The following TRABD2A variants were observed in gnomAD, a reference collection of about 807,000 sequenced individuals.
TRABD2A encodes metalloprotease TIKI1.
TRABD2A carries 43 observed loss-of-function variants against 45.6 expected under a neutral mutation model. The ratio of observed to expected loss-of-function variants is 0.94; its 90% CI spans 0.74 to 1.22. The LOEUF (loss-of-function observed/expected upper bound fraction) is 1.22, where lower values mean the gene tolerates loss of function less well. Among genes scored for constraint, TRABD2A ranks in the 50% most tolerant of loss-of-function variants. The probability of loss-of-function intolerance (pLI) is 0.00; values close to 1 mark genes in which losing one functional copy is unlikely to be tolerated. For synonymous variants in TRABD2A, 269 were observed against 265.0 expected (o/e 1.02, Z -0.15); for missense variants, 642 against 652.4 (o/e 0.98, Z 0.17).
intron 3 of TRABD2A, 56 bp downstream of exon 3, chr2:84,841,805 T>C: frequency 6.9e-7 from 1 of 1,440,274 alleles, no homozygotes; most frequent in Non-Finnish European, 9.1e-7. Context: ...CCAGGTAATG[T>C]TTTTATTCCT....
At chr2:84,864,410 A>G (rs1438855161) in intron 2 of TRABD2A, among the ~76,000 whole-genome samples, 1 of 152,158 alleles carries the variant, frequency 6.6e-6, no homozygotes, top group Non-Finnish European at 1.5e-5. Context: ...CAGTCCTCTC[A>G]ATAAACCCTG....
rs544863306 is a variant in TRABD2A, at chr2:84,851,290, A to C, written c.670-9283T>G. 5.9e-5 allele frequency: 9 copies of C among 152,346 alleles called. No individual in the cohort carries two copies. In the East Asian group the frequency reaches 1.5e-3, roughly 26 times the overall value. 9.4% of individuals were successfully genotyped at this position (152,346 alleles called of 1,614,324 possible). ...CAAGGAGATGGGCTCAGGGTCATACACAGCTGTTGTTCTCTGAGGCTTACC... is the reference window on the plus strand; with the variant it reads ...CAAGGAGATGGGCTCAGGGTCATACCCAGCTGTTGTTCTCTGAGGCTTACC... On this transcript the variant is annotated intron_variant, in intron 2 of 6. Coordinates refer to ENST00000409520, the MANE Select transcript of TRABD2A (RefSeq NM_001277053.2).
intron 5 of TRABD2A, among the ~76,000 whole-genome samples, chr2:84,826,660 T>A (rs1318631559): frequency 6.6e-6 from 1 of 152,196 alleles, no homozygotes; most frequent in Admixed American, 6.5e-5. Context: ...GCCTCCCAAA[T>A]AGCTGGGATT....
At chr2:84,852,941 C>G (rs1371909704) in intron 2 of TRABD2A, among the ~76,000 whole-genome samples, 1 of 152,118 alleles carries the variant, frequency 6.6e-6, no homozygotes, top group African/African-American at 2.4e-5. Context: ...AAATCATCTC[C>G]TTAACCAGCT....
chr2:84,861,707 T>A (rs1450590682), intron 2 of TRABD2A, among the ~76,000 whole-genome samples: 4 of 152,130 alleles, frequency 2.6e-5, no homozygotes, highest in Non-Finnish European at 5.9e-5. Flanking sequence ...GCACAGAGCA[T>A]CCCAGAGCTG....
intron 2 of TRABD2A, among the ~76,000 whole-genome samples, chr2:84,867,412 T>TA (rs2105405735): frequency 6.6e-6 from 1 of 152,268 alleles, no homozygotes; most frequent in Non-Finnish European, 1.5e-5. Context: ...ATCCCTTACT[T>TA]ACACCTTATA....
intron 5 of TRABD2A, among the ~76,000 whole-genome samples, chr2:84,827,480 T>TCCC (rs1251558823): frequency 6.6e-6 from 1 of 152,160 alleles, no homozygotes; most frequent in Non-Finnish European, 1.5e-5. Flanking sequence ...TTCAAGTGCA[T>TCCC]CCCCCTTTCT....
chr2:84,873,704 T>C lies in TRABD2A; in HGVS notation c.109-2919A>G, dbSNP rs1573957431. ...CTAATCAAAAGTTGAGATTGACAGTTATGTCTTTGGTTAATTGTAAACAGG... is the reference window on the plus strand; with the variant it reads ...CTAATCAAAAGTTGAGATTGACAGTCATGTCTTTGGTTAATTGTAAACAGG... On this transcript the variant is annotated intron_variant, in intron 1 of 6. Coordinates refer to ENST00000409520, the MANE Select transcript of TRABD2A (RefSeq NM_001277053.2). 3.9e-5 allele frequency among the ~76,000 whole-genome samples: 6 copies of C among 152,360 alleles called. 1 individual carries two copies. The South Asian group carries it at 1.2e-3, about 32-fold the overall frequency.
rs540611407 is a variant in TRABD2A, at chr2:84,859,855, G to T, written c.669+10370C>A. ...CAGGGACACACTTTGAGAACCACTG[G>T]TTTAGCCTGAACATTCTACATCACA... On this transcript the variant is annotated intron_variant, in intron 2 of 6. Coordinates refer to ENST00000409520, the MANE Select transcript of TRABD2A (RefSeq NM_001277053.2). Among the ~76,000 whole-genome samples the T allele has an allele frequency of 5.9e-5, 9 of 152,250 alleles. No homozygotes were observed. In the South Asian group the frequency reaches 1.9e-3, roughly 32 times the overall value.
At chr2:84,822,332 C>T (rs1292036712) in intron 6 of TRABD2A, among the ~76,000 whole-genome samples, 1 of 152,220 alleles carries the variant, frequency 6.6e-6, no homozygotes, top group African/African-American at 2.4e-5. Flanking sequence ...GGCTAACTGT[C>T]CCTGGCTATT....
rs771772126 is a variant in TRABD2A, at chr2:84,839,298, A to G, written c.842T>C (p.Leu281Pro). The change falls in exon 4 of 7, where the codon CTA becomes CCA. Residue 281 changes from leucine to proline, a missense_variant. Coordinates refer to ENST00000409520, the MANE Select transcript of TRABD2A (RefSeq NM_001277053.2). ...SQVPNFINAT[L>P]PPQERITAQE... ...AGCAGTGATGCGCTCCTGAGGTGGT[A>G]GCGTGGCATTAATAAAATTGGGAAC... The G allele has an allele frequency of 6.2e-7, 1 of 1,611,198 alleles. No individual in the cohort carries two copies. The highest frequency in any genetic ancestry group is 8.5e-7 in the Non-Finnish European group (1 of 1,178,950).
intron 4 of TRABD2A, chr2:84,838,050 C>G (rs1681581702): frequency 1.7e-6 from 1 of 575,134 alleles, no homozygotes; most frequent in East Asian, 2.9e-5. Context: ...AGCTCTGAGT[C>G]AGGTCAAATG....
chr2:84,881,008 G>A lies in TRABD2A; in HGVS notation c.32C>T (p.Thr11Ile), dbSNP rs1683188896. The A allele has an allele frequency of 6.2e-7, 1 of 1,605,608 alleles. No homozygotes were observed. Among genetic ancestry groups the A allele is most frequent in the Non-Finnish European group, 8.5e-7 (1 of 1,176,890 alleles). The part of the protein sequence containing the change: MSPWSWFLLQ[T>I]LCLLPTGAAS... The stretch of plus-strand genomic sequence containing the variant: ...TGCGCCCGTGGGCAGGAGGCAGAGG[G>A]TCTGCAGCAGGAACCAGCTCCAGGG... The change falls in exon 1 of 7, where the codon ACC becomes ATC. Residue 11 changes from threonine (T) to isoleucine (I), a missense_variant. Transcript: ENST00000409520.
intron 4 of TRABD2A, chr2:84,833,630 A>C (rs1207242685): frequency 1.3e-5 from 2 of 152,074 alleles, no homozygotes; most frequent in African/African-American, 2.4e-5. Context: ...AGCACACGGT[A>C]ATGTGTTTCG....
rs34899036 is a variant in TRABD2A at position 84,878,528 on chromosome 2, C to CAA, written c.108+2402_108+2403dup. ...TGACAGATAGAGCAAGACTCTGTCTCAAAAAAAAAAAAAAGGCAGCAGGCA... is the reference window on the plus strand; with the variant it reads ...TGACAGATAGAGCAAGACTCTGTCTCAAAAAAAAAAAAAAAAGGCAGCAGGCA... On this transcript the variant is annotated intron_variant, in intron 1 of 6. Coordinates refer to ENST00000409520, the MANE Select transcript of TRABD2A (RefSeq NM_001277053.2). 3.0e-3 allele frequency among the ~76,000 whole-genome samples: 360 copies of CAA among 121,536 alleles called. 1 individual carries two copies. Among genetic ancestry groups the CAA allele is most frequent in the African/African-American group, 9.4e-3 (325 of 34,756 alleles). 79.7% of individuals were successfully genotyped at this position (121,536 alleles called of 152,430 possible).
chr2:84,879,153 T>A (rs886381215), intron 1 of TRABD2A, among the ~76,000 whole-genome samples: 2 of 151,926 alleles, frequency 1.3e-5, no homozygotes, highest in South Asian at 4.2e-4. Flanking sequence ...TTAATTCACA[T>A]AAAGTAAAAG....
chr2:84,843,039 G>T (rs1206787601), intron 2 of TRABD2A, among the ~76,000 whole-genome samples: 5 of 151,522 alleles, frequency 3.3e-5, no homozygotes, highest in African/African-American at 9.7e-5. Flanking sequence ...TGGGTCAGAG[G>T]TGGGGAGGTA....
At chr2:84,838,955 C>G in intron 4 of TRABD2A, 194 bp downstream of exon 4, 1 of 588,054 alleles carries the variant, frequency 1.7e-6, no homozygotes, top group Non-Finnish European at 3.0e-6. Context: ...GCTCATCCAG[C>G]AACATTTCAA....
chr2:84,867,964 G>A (rs1682738003), intron 2 of TRABD2A, among the ~76,000 whole-genome samples: 1 of 152,178 alleles, frequency 6.6e-6, no homozygotes, highest in Non-Finnish European at 1.5e-5. Context: ...TGGAGAAATA[G>A]GAACGCTTTT....
Sources: allele counts gnomAD v4.1 joint callset (sites outside exome capture counted in the v4.1 genomes callset), GRCh38; gene constraint gnomAD v4.1.1; transcripts MANE v1.5; gene names NCBI Gene and HGNC (gene_info 2026-07-23, HGNC 2026-07-21).